FRMPD4: variants seen among roughly 807,000 people sequenced by gnomAD.
FRMPD4 encodes FERM and PDZ domain-containing protein 4.
FRMPD4 carries 22 observed loss-of-function variants against 94.1 expected under a neutral mutation model. The ratio of observed to expected loss-of-function variants is 0.23; its 90% confidence interval spans 0.17 to 0.33. The LOEUF is 0.33. Ranked by LOEUF, FRMPD4 falls within the 10% of genes least tolerant of loss-of-function variation. The pLI is 1.00. For missense variants in FRMPD4, 1,111 were observed against 1,339.9 expected (o/e 0.83, Z 2.67); for synonymous variants, 631 against 548.6 (o/e 1.15, Z -2.10).
intron 3 of FRMPD4, among the ~76,000 whole-genome samples, chrX:11,925,995 A>G (rs780708641): frequency 8.6e-4 from 96 of 111,039 alleles, no homozygotes; most frequent in African/African-American, 3.1e-3. Flanking sequence ...TGCTAGCTAG[A>G]CTAATAAAAA....
intron 1 of FRMPD4, among the ~76,000 whole-genome samples, chrX:11,849,777 T>G (rs1346829838): frequency 9.1e-6 from 1 of 109,491 alleles, no homozygotes; most frequent in African/African-American, 3.3e-5. Context: ...AAAAATTAAC[T>G]CAAAGTAGAT....
upstream of FRMPD4, among the ~76,000 whole-genome samples, chrX:12,136,779 G>A (rs948292759): frequency 9.1e-6 from 1 of 109,810 alleles, no homozygotes; most frequent in Admixed American, 9.8e-5. Flanking sequence ...CAAAGGATAC[G>A]GGATCTAGGG....
intron 1 of FRMPD4, among the ~76,000 whole-genome samples, chrX:12,403,655 C>G (rs752287551): frequency 1.3e-4 from 14 of 111,616 alleles, no homozygotes; most frequent in Non-Finnish European, 2.6e-4. Context: ...AACACAGGAC[C>G]TGGTTCTCAG....
At chrX:12,126,647 A>G (rs2055502651) in intron 3 of FRMPD4, among the ~76,000 whole-genome samples, 1 of 111,436 alleles carries the variant, frequency 9.0e-6, no homozygotes, top group African/African-American at 3.3e-5. Context: ...CTAAGGAACA[A>G]GTAGACCAGT....
At chrX:11,950,458 A>G (rs1296567697) in intron 3 of FRMPD4, among the ~76,000 whole-genome samples, 1 of 111,741 alleles carries the variant, frequency 8.9e-6, no homozygotes, top group Non-Finnish European at 1.9e-5. Context: ...AATTTCCAGT[A>G]TACAACACAG....
At chrX:12,234,361 T>G (rs758609655) in intron 1 of FRMPD4, among the ~76,000 whole-genome samples, 78 of 112,058 alleles carry the variant, frequency 7.0e-4, no homozygotes, top group African/African-American at 2.2e-3. Context: ...GTGCTAAGGA[T>G]AGATTGTTTT....
At chrX:11,985,880 TAGA>T in intron 3 of FRMPD4, among the ~76,000 whole-genome samples, 1 of 112,114 alleles carries the variant, frequency 8.9e-6, no homozygotes, top group East Asian at 2.8e-4. Context: ...TGCAGTAAAA[TAGA>T]AGACCAGGTA....
chrX:12,523,644 T>A (rs1450484534), intron 2 of FRMPD4, among the ~76,000 whole-genome samples: 1 of 111,358 alleles, frequency 9.0e-6, no homozygotes, highest in Non-Finnish European at 1.9e-5. Flanking sequence ...GTCTGTAAAA[T>A]GAGCATAATT....
At chrX:11,987,098 TAAAAAAAAAAAAAAA>T (rs35377550) in intron 3 of FRMPD4, among the ~76,000 whole-genome samples, 9 of 21,843 alleles carry the variant, frequency 4.1e-4, no homozygotes, top group East Asian at 1.2e-3. Flanking sequence ...AAAGACACAT[TAAAAAAAAAAAAAAA>T]AAAAAAAAAA....
intron 3 of FRMPD4, among the ~76,000 whole-genome samples, chrX:12,046,773 A>G (rs2054787878): frequency 8.9e-6 from 1 of 112,024 alleles, no homozygotes; most frequent in Non-Finnish European, 1.9e-5. Context: ...GCTATCTGGA[A>G]GTTCTTTGAA....
At chrX:11,978,321 C>CAAAAAAAAAAAAAAAAAA (rs1172824155) in intron 3 of FRMPD4, among the ~76,000 whole-genome samples, 2 of 16,355 alleles carry the variant, frequency 1.2e-4, no homozygotes, top group East Asian at 4.9e-3. Context: ...AACTCCATCT[C>CAAAAAAAAAAAAAAAAAA]AAAAAAAAAA....
At chrX:12,559,016 T>A (rs1284137470) in intron 2 of FRMPD4, among the ~76,000 whole-genome samples, 1 of 112,391 alleles carries the variant, frequency 8.9e-6, no homozygotes, top group Non-Finnish European at 1.9e-5. Flanking sequence ...GAGGAATCAG[T>A]TAAGTGTCAG....
chrX:12,232,787 A>G (rs926784345), intron 1 of FRMPD4, among the ~76,000 whole-genome samples: 7 of 111,873 alleles, frequency 6.3e-5, no homozygotes, highest in Non-Finnish European at 1.3e-4. Context: ...CCATATAATC[A>G]GCGATGAGCT....
chrX:12,468,311 C>A (rs1283504488), intron 1 of FRMPD4, among the ~76,000 whole-genome samples: 1 of 112,002 alleles, frequency 8.9e-6, no homozygotes, highest in Non-Finnish European at 1.9e-5. Flanking sequence ...AGAGCTAGAA[C>A]AAATTATGGT....
At chrX:12,359,383 C>T (rs1017474835) in intron 1 of FRMPD4, among the ~76,000 whole-genome samples, 1 of 111,490 alleles carries the variant, frequency 9.0e-6, no homozygotes, top group Admixed American at 9.5e-5. Context: ...AGTTCACATA[C>T]TCTCATTTTC....
intron 1 of FRMPD4, among the ~76,000 whole-genome samples, chrX:11,851,008 A>G (rs900268518): frequency 9.0e-6 from 1 of 111,670 alleles, no homozygotes; most frequent in Admixed American, 9.5e-5. Context: ...CAACCAAGTG[A>G]GCCTCCTCTG....
chrX:12,365,140 G>T (rs778701668), intron 1 of FRMPD4, among the ~76,000 whole-genome samples: 9 of 112,295 alleles, frequency 8.0e-5, no homozygotes, highest in Non-Finnish European at 1.1e-4. Flanking sequence ...TGAAACTGGT[G>T]GTGAACATGA....
Position 12,724,177 on chromosome X carries a change from G to A in FRMPD4, c.*2319G>A, listed in dbSNP as rs1007311127. On this transcript the variant is annotated 3_prime_UTR_variant, in exon 17 of 17. Coordinates refer to ENST00000675598, the MANE Select transcript of FRMPD4 (RefSeq NM_001368397.1). ...AAGTGGCCATCCTTGTTCAAGTTAC[G>A]TATCTAGTTAGAACAACTTCCCAGT... The A allele has an allele frequency of 4.5e-5, 5 of 111,890 alleles. No individual in the cohort carries two copies. The highest frequency in any genetic ancestry group is 1.3e-4 in the African/African-American group (4 of 30,798). The allele number at this position is 111,890 out of a possible 1,213,427, so 9.2% of individuals were successfully genotyped here. A position where few individuals can be genotyped will look rare whatever the true frequency, so the allele number is the denominator to read the frequency against.
At chrX:11,874,132 C>G (rs538575312) in intron 2 of FRMPD4, among the ~76,000 whole-genome samples, 1 of 112,268 alleles carries the variant, frequency 8.9e-6, no homozygotes, top group African/African-American at 3.2e-5. Flanking sequence ...TGTCATTATT[C>G]CCTGAACAAT....
Sources: allele counts gnomAD v4.1 joint callset (sites outside exome capture counted in the v4.1 genomes callset), GRCh38; gene constraint gnomAD v4.1.1; transcripts MANE v1.5; gene names NCBI Gene and HGNC (gene_info 2026-07-23, HGNC 2026-07-21).